Variants in NUMB observed in about 807,000 individuals in gnomAD.
NUMB encodes protein numb homolog.
NUMB carries 29 observed loss-of-function variants against 59.7 expected under a neutral mutation model. The ratio of observed to expected loss-of-function variants is 0.49; its 90% CI spans 0.36 to 0.66. NUMB has a LOEUF of 0.66. NUMB is among the 30% of genes least tolerant of loss of function. The probability of loss-of-function intolerance (pLI) is 0.00; values close to 1 mark genes in which losing one functional copy is unlikely to be tolerated. For missense variants in NUMB, 723 were observed against 822.0 expected (o/e 0.88, Z 1.47); for synonymous variants, 288 against 288.2 (o/e 1.00, Z 0.01).
intron 1 of NUMB, among the ~76,000 whole-genome samples, chr14:73,411,742 T>C (rs1595006599): frequency 6.6e-6 from 1 of 152,182 alleles, no homozygotes; most frequent in African/African-American, 2.4e-5. Flanking sequence ...ATTAAAGTTA[T>C]AGTAGCTAAA....
At position 73,277,334 on chromosome 14, in the gene NUMB, G is replaced by GCA. The variant is rs1888241517; in HGVS notation, c.1241-43_1241-42dup. On this transcript the variant is annotated intron_variant, in intron 12 of 12. Coordinates refer to ENST00000555238, the MANE Select transcript of NUMB (RefSeq NM_001005743.2). The stretch of plus-strand genomic sequence containing the variant: ...TGAGAGACAAAAGAATCAGTTAGGG[G>GCA]CATCTTTCCTCACCTTATAATCTTG... The GCA allele has an allele frequency of 1.0e-5, 15 of 1,431,254 alleles. No individual in the cohort carries two copies. The East Asian group carries it at 3.5e-4, about 34-fold the overall frequency. The allele number at this position is 1,431,254 out of a possible 1,614,324, so 88.7% of individuals were successfully genotyped here.
chr14:73,287,436 T>C, intron 8 of NUMB, 122 bp from the exon 9 acceptor site: 1 of 832,674 alleles, frequency 1.2e-6, no homozygotes, highest in South Asian at 1.8e-5. Flanking sequence ...TGGAGTGCAG[T>C]GGCGCAGTCT....
At chr14:73,277,561 A>C (rs1888262296) in intron 12 of NUMB, among the ~76,000 whole-genome samples, 1 of 152,166 alleles carries the variant, frequency 6.6e-6, no homozygotes, top group Admixed American at 6.5e-5. Flanking sequence ...ACGGCAGCTG[A>C]CTGATGTCAG....
chr14:73,448,128 C>T (rs1236247386), intron 1 of NUMB, among the ~76,000 whole-genome samples: 1 of 151,958 alleles, frequency 6.6e-6, no homozygotes, highest in East Asian at 1.9e-4. Context: ...TTTGGGACTG[C>T]TTTCCTTGCA....
intron 1 of NUMB, among the ~76,000 whole-genome samples, chr14:73,451,594 AT>A (rs1441954425): frequency 2.6e-5 from 4 of 152,292 alleles, no homozygotes; most frequent in Non-Finnish European, 5.9e-5. Context: ...CAGCCTGGGC[AT>A]CTTTAAATAA....
intron 1 of NUMB, among the ~76,000 whole-genome samples, chr14:73,438,426 T>C (rs79678069): frequency 0.052 from 7,828 of 151,282 alleles, 654 homozygotes; most frequent in African/African-American, 0.18. Context: ...GGGTTAGGAG[T>C]TCAAGACCAG....
chr14:73,444,813 C>T (rs954523130), intron 1 of NUMB, among the ~76,000 whole-genome samples: 15 of 147,858 alleles, frequency 1.0e-4, no homozygotes, highest in Non-Finnish European at 1.8e-4. Context: ...GCCGAGATCA[C>T]GCCACTGCAC....
intron 4 of NUMB, among the ~76,000 whole-genome samples, chr14:73,337,510 T>C (rs1457343252): frequency 6.6e-6 from 1 of 151,958 alleles, no homozygotes; most frequent in African/African-American, 2.4e-5. Context: ...CTCAAAAAAA[T>C]GTATCTATAT....
intron 2 of NUMB, among the ~76,000 whole-genome samples, chr14:73,390,810 C>G (rs533015269): frequency 6.6e-6 from 1 of 151,346 alleles, no homozygotes; most frequent in African/African-American, 2.4e-5. Flanking sequence ...CCACCACGCC[C>G]GGCTAATTTT....
chr14:73,342,199 A>G (rs1486501338), intron 4 of NUMB, among the ~76,000 whole-genome samples: 1 of 152,178 alleles, frequency 6.6e-6, no homozygotes, highest in Non-Finnish European at 1.5e-5. Flanking sequence ...CCCTGGCCCC[A>G]TTTCTTTAAA....
intron 2 of NUMB, among the ~76,000 whole-genome samples, chr14:73,379,497 G>C (rs1191810961): frequency 6.6e-6 from 1 of 152,166 alleles, no homozygotes; most frequent in East Asian, 1.9e-4. Context: ...ATAATATGTT[G>C]AGACATATAA....
intron 2 of NUMB, among the ~76,000 whole-genome samples, chr14:73,397,860 A>C (rs1896212076): frequency 6.6e-6 from 1 of 151,458 alleles, no homozygotes; most frequent in South Asian, 2.1e-4. Flanking sequence ...ATTGATATTT[A>C]AACATTAAGA....
intron 4 of NUMB, among the ~76,000 whole-genome samples, chr14:73,324,104 G>C (rs1439725157): frequency 1.3e-5 from 2 of 152,106 alleles, no homozygotes; most frequent in East Asian, 3.8e-4. Context: ...TATCAACTGG[G>C]GTAGATTAAC....
At chr14:73,394,569 C>A (rs1052099226) in intron 2 of NUMB, among the ~76,000 whole-genome samples, 2 of 152,136 alleles carry the variant, frequency 1.3e-5, no homozygotes, top group African/African-American at 4.8e-5. Context: ...TCACCACACT[C>A]TGCTCTCCTT....
chr14:73,433,603 C>T (rs749663024), intron 1 of NUMB, among the ~76,000 whole-genome samples: 3 of 151,978 alleles, frequency 2.0e-5, no homozygotes, highest in Non-Finnish European at 4.4e-5. Flanking sequence ...AGTAGTTGCT[C>T]GTATTCTAAG....
intron 3 of NUMB, among the ~76,000 whole-genome samples, chr14:73,356,055 T>C (rs941232968): frequency 2.0e-5 from 3 of 152,148 alleles, no homozygotes; most frequent in African/African-American, 4.8e-5. Context: ...TAAAGACATA[T>C]TATCCTAAGA....
At chr14:73,401,563 ATTT>A (rs1164847403) in intron 2 of NUMB, among the ~76,000 whole-genome samples, 2,021 of 109,968 alleles carry the variant, frequency 0.018, 31 homozygotes, top group African/African-American at 0.072. Flanking sequence ...GTAAGACTAA[ATTT>A]TTTTTTTTTT....
chr14:73,338,363 A>C (rs1892460618), intron 4 of NUMB, among the ~76,000 whole-genome samples: 1 of 152,192 alleles, frequency 6.6e-6, no homozygotes, highest in South Asian at 2.1e-4. Context: ...TCAATAAATG[A>C]TATCAGCTCT....
At chr14:73,400,472 T>C (rs1392529899) in intron 2 of NUMB, among the ~76,000 whole-genome samples, 1 of 152,216 alleles carries the variant, frequency 6.6e-6, no homozygotes, top group Non-Finnish European at 1.5e-5. Context: ...TAACAAATTA[T>C]GAAACATATA....
Sources: gnomAD v4.1 joint callset for allele counts (sites outside exome capture counted in the v4.1 genomes callset) on GRCh38, gnomAD v4.1.1 for gene constraint, MANE v1.5 for transcripts, NCBI Gene and HGNC (gene_info 2026-07-23, HGNC 2026-07-21) for gene names.